The following VPS18 variants were observed in gnomAD, a reference collection of about 807,000 sequenced individuals.
VPS18 encodes the protein VPS18 core subunit of CORVET and HOPS complexes.
A neutral mutation model predicts 82.0 loss-of-function variants in VPS18; 25 were observed. That is an observed-to-expected ratio of 0.30 (90% CI 0.22 to 0.43). VPS18 has a LOEUF of 0.43. Ranked by LOEUF, VPS18 falls within the 20% of genes least tolerant of loss-of-function variation. VPS18 has a pLI of 1.00. For synonymous variants in VPS18, 523 were observed against 543.0 expected, an observed-to-expected ratio of 0.96 and a Z score of 0.51; for missense variants, 1,168 against 1,311.1, an observed-to-expected ratio of 0.89 and a Z score of 1.69.
In VPS18 at chr15:40,901,009, C is replaced by T. The variant is rs1892348404; in HGVS notation, c.2191C>T (p.Leu731=). The change falls in exon 4 of 5, where the codon CTG becomes TTG. Residue 731 remains leucine, a synonymous_variant. Transcript: ENST00000220509. ...ELYEEAVDLA[L]QVDVDLAKQC... Reference sequence around the variant, plus strand: ...GTATGAGGAGGCCGTGGACCTGGCCCTGCAGGTAAGCCAGTACGTCTTGAC... The same window carrying T: ...GTATGAGGAGGCCGTGGACCTGGCCTTGCAGGTAAGCCAGTACGTCTTGAC... 1 of 1,598,578 alleles carries T rather than the reference C, an allele frequency of 6.3e-7. No individual in the cohort carries two copies. Among genetic ancestry groups the T allele is most frequent in the Non-Finnish European group, 8.5e-7 (1 of 1,175,174 alleles).
chr15:40,902,558 A>G lies in VPS18; in HGVS notation c.2197-58A>G. 1.3e-6 allele frequency: 2 copies of G among 1,558,150 alleles called. No homozygotes were observed. The highest frequency in any genetic ancestry group is 1.7e-6 in the Non-Finnish European group (2 of 1,149,724). ...CTCTCCTCGGCCATCTCTCTCTCCC[A>G]TAGTCTCCATGTTGGGCAGGGAGGG... On this transcript the variant is annotated intron_variant, in intron 4 of 4. Coordinates refer to ENST00000220509, the MANE Select transcript of VPS18 (RefSeq NM_020857.3). The surrounding 1 kb of genome is among the most constrained non-coding windows in gnomAD (Gnocchi z 4.2).
chr15:40,903,150 G>A lies in VPS18; in HGVS notation c.2731G>A (p.Gly911Ser). Reference sequence around the variant, plus strand: ...GGGGGCTGCTCCACCCCCAGCCAAGGGCTCTGCCCGGGCCAAGGAGGCCGA... The same window carrying A: ...GGGGGCTGCTCCACCCCCAGCCAAGAGCTCTGCCCGGGCCAAGGAGGCCGA... ...KLGAAPPPAK[G>S]SARAKEAEGG... is the part of the protein sequence containing the mutation. Residue 911 changes from glycine (G) to serine (S), a missense_variant, in exon 5 of 5, where the codon GGC (glycine) becomes AGC (serine). Gly to Ser is a moderately conservative substitution (Grantham distance 56). Around this residue, in one of 3 missense-constraint regions of VPS18, gnomAD observed 296 missense variants for 354.0 expected, o/e 0.84. Coordinates refer to ENST00000220509, the MANE Select transcript of VPS18 (RefSeq NM_020857.3). The A allele has an allele frequency of 6.2e-7, 1 of 1,606,596 alleles. No homozygotes were observed. Among genetic ancestry groups the A allele is most frequent in the Non-Finnish European group, 8.5e-7 (1 of 1,176,356 alleles).
Position 40,900,464 on chromosome 15 carries a change from G to A in VPS18, c.1646G>A (p.Ser549Asn). Residue 549 changes from serine to asparagine, a missense_variant, in exon 4 of 5, where the codon AGT becomes AAT. Around this residue, in one of 3 missense-constraint regions of VPS18, gnomAD observed 868 missense variants for 939.8 expected, o/e 0.92. Coordinates refer to ENST00000220509, the MANE Select transcript of VPS18 (RefSeq NM_020857.3). The surrounding 1 kb of genome is among the most constrained non-coding windows in gnomAD (Gnocchi z 5.4). ...SRASIHELLA[S>N]HGDTEHMVYF... ...GCCTCTATCCATGAGCTGCTCGCCA[G>A]TCATGGGGACACAGAACACATGGTG... The A allele has an allele frequency of 6.2e-7, 1 of 1,614,112 alleles. No individual in the cohort carries two copies. The highest frequency in any genetic ancestry group is 8.5e-7 in the Non-Finnish European group (1 of 1,180,020).
rs757903252 is a variant in VPS18 at position 40,900,425 on chromosome 15, T to A, written c.1607T>A (p.Leu536His). ...AGCAGCCCCCGCCACAAAGAGTGGC[T>A]CTTTGCCAGCCGGGCCTCTATCCAT... is the stretch of plus-strand genomic sequence containing the variant. ...FLSSPRHKEW[L>H]FASRASIHEL... Residue 536 changes from leucine (L) to histidine (H), a missense_variant, in exon 4 of 5, where the codon CTC becomes CAC. By Grantham distance (99) the Leu-to-His change is moderately conservative (BLOSUM62 -3). This residue lies in a region of VPS18 where 868 missense variants were observed against 939.8 expected (regional missense o/e 0.92). Coordinates refer to ENST00000220509, the MANE Select transcript of VPS18 (RefSeq NM_020857.3). The surrounding 1 kb of genome is among the most constrained non-coding windows in gnomAD (Gnocchi z 5.4). 6.2e-7 allele frequency: 1 copy of A among 1,613,772 alleles called. No individual in the cohort carries two copies. Among genetic ancestry groups the A allele is most frequent in the Admixed American group, 1.7e-5 (1 of 60,000 alleles).
chr15:40,896,065 G>C lies in VPS18; in HGVS notation c.219G>C (p.Lys73Asn). ...SSNQLCMSLGKDTLLRIDLGK... is the reference protein window; with the variant it reads ...SSNQLCMSLGNDTLLRIDLGK... ...ATCAGCTGTGCATGAGCCTGGGCAA[G>C]GATACACTGCTCCGGTAATCAAGAG... The change falls in exon 2 of 5, where the codon AAG becomes AAC. Residue 73 changes from lysine (K) to asparagine (N), a missense_variant. Physicochemically the swap from Lys to Asn is moderately conservative, Grantham distance 94 (BLOSUM62 0). Coordinates refer to ENST00000220509, the MANE Select transcript of VPS18 (RefSeq NM_020857.3). 2 of 1,614,172 alleles carry C rather than the reference G, an allele frequency of 1.2e-6. No homozygotes were observed. Among genetic ancestry groups the C allele is most frequent in the East Asian group, 2.2e-5 (1 of 44,886 alleles).
chr15:40,899,529 G>A lies in VPS18; in HGVS notation c.711G>A (p.Glu237=). The change falls in exon 4 of 5, where the codon GAG becomes GAA. Residue 237 remains glutamate, a synonymous_variant. Transcript: ENST00000220509. This position sits in a 1 kb window ranked among gnomAD's most constrained non-coding sequence, Gnocchi z 4.4. ...TCCAGTTCATAGGCCGAGCAGCAGA[G>A]GGGGCTGAGGCCCAGGGTTTCTCAG... is the stretch of plus-strand genomic sequence containing the variant. The part of the protein sequence containing the change: ...RLFQFIGRAA[E]GAEAQGFSGL... 1 of 1,610,014 alleles carries A rather than the reference G, an allele frequency of 6.2e-7. No individual in the cohort carries two copies.
In VPS18 at chr15:40,899,285, G is replaced by A. The variant is rs1316772134; in HGVS notation, c.467G>A (p.Ser156Asn). 1 of 1,614,222 alleles carries A rather than the reference G, an allele frequency of 6.2e-7. No homozygotes were observed. The highest frequency in any genetic ancestry group is 1.1e-5 in the South Asian group (1 of 91,082). Residue 156 changes from serine to asparagine, a missense_variant, in exon 4 of 5, where the codon AGC becomes AAC. Physicochemically the swap from Ser to Asn is conservative, Grantham distance 46 (BLOSUM62 1). Coordinates refer to ENST00000220509, the MANE Select transcript of VPS18 (RefSeq NM_020857.3). The surrounding 1 kb of genome is among the most constrained non-coding windows in gnomAD (Gnocchi z 4.4). ...GWNKALGTES[S>N]TGPILVGTAQ... is the part of the protein sequence containing the mutation. The stretch of plus-strand genomic sequence containing the variant: ...AACAAGGCACTGGGCACGGAGAGCA[G>A]CACAGGCCCCATCCTGGTCGGGACT...
At position 40,899,847 on chromosome 15, in the gene VPS18, G is replaced by A. The variant is rs1463457423; in HGVS notation, c.1029G>A (p.Val343=). ...FHFLLLLADR[V]EAVCTLTGQV... ...TCCTGCTGCTACTGGCAGACCGGGT[G>A]GAGGCAGTGTGCACACTGACCGGGC... The change falls in exon 4 of 5, where the codon GTG becomes GTA. Residue 343 remains valine, a synonymous_variant. Transcript: ENST00000220509. This position sits in a 1 kb window ranked among gnomAD's most constrained non-coding sequence, Gnocchi z 4.4. 2.5e-6 allele frequency: 4 copies of A among 1,608,588 alleles called. No homozygotes were observed. The highest frequency in any genetic ancestry group is 2.5e-6 in the Non-Finnish European group (3 of 1,180,024).
chr15:40,900,331 G>A lies in VPS18; in HGVS notation c.1513G>A (p.Ala505Thr), dbSNP rs1366400164. 2 of 1,613,664 alleles carry A rather than the reference G, an allele frequency of 1.2e-6. No individual in the cohort carries two copies. The highest frequency in any genetic ancestry group is 1.7e-6 in the Non-Finnish European group (2 of 1,180,006). The change falls in exon 4 of 5, where the codon GCT (alanine) becomes ACT (threonine). Residue 505 changes from alanine to threonine, a missense_variant. This residue lies in a region of VPS18 where 868 missense variants were observed against 939.8 expected (regional missense o/e 0.92). Transcript: ENST00000220509. The surrounding 1 kb of genome is among the most constrained non-coding windows in gnomAD (Gnocchi z 5.4). The stretch of plus-strand genomic sequence containing the variant: ...AGAGCTCTACCTGAGCCGGCTTGGG[G>A]CTCTGCAGGGCGACCCAGAGGCCCT... ...LTELYLSRLG[A>T]LQGDPEALTL...
In VPS18 at chr15:40,899,541, C is replaced by T; in HGVS notation, c.723C>T (p.Ala241=). Residue 241 remains alanine (A), a synonymous_variant, in exon 4 of 5, where the codon GCC becomes GCT. Coordinates refer to ENST00000220509, the MANE Select transcript of VPS18 (RefSeq NM_020857.3). This position sits in a 1 kb window ranked among gnomAD's most constrained non-coding sequence, Gnocchi z 4.4. Reference sequence around the variant, plus strand: ...GCCGAGCAGCAGAGGGGGCTGAGGCCCAGGGTTTCTCAGGGCTCTTTGCAG... The same window carrying T: ...GCCGAGCAGCAGAGGGGGCTGAGGCTCAGGGTTTCTCAGGGCTCTTTGCAG... ...FIGRAAEGAE[A]QGFSGLFAAY... The T allele has an allele frequency of 1.2e-6, 2 of 1,609,354 alleles. No homozygotes were observed. The highest frequency in any genetic ancestry group is 1.7e-6 in the Non-Finnish European group (2 of 1,180,014).
Position 40,902,619 on chromosome 15 carries a change from G to A in VPS18, c.2200G>A (p.Asp734Asn), listed in dbSNP as rs149373237. The change falls in exon 5 of 5, where the codon GAT (aspartate) becomes AAT (asparagine). Residue 734 changes from aspartate to asparagine, a missense_variant. This residue lies in a region of VPS18 where 296 missense variants were observed against 354.0 expected (regional missense o/e 0.84). Transcript: ENST00000220509. This position sits in a 1 kb window ranked among gnomAD's most constrained non-coding sequence, Gnocchi z 4.2. ...EEAVDLALQV[D>N]VDLAKQCADL... ...AAAGCCCATGCTCTCCCCACAGGTG[G>A]ATGTGGACCTGGCCAAGCAGTGTGC... 189 of 1,609,082 alleles carry A rather than the reference G, an allele frequency of 1.2e-4. No individual in the cohort carries two copies. The highest frequency in any genetic ancestry group is 5.0e-4 in the Middle Eastern group (3 of 5,990).
In VPS18 at chr15:40,902,992, TC is replaced by T. The variant is rs1566871600; in HGVS notation, c.2578del (p.Leu860CysfsTer91). On this transcript the variant is annotated frameshift_variant, in exon 5 of 5. Coordinates refer to ENST00000220509, the MANE Select transcript of VPS18 (RefSeq NM_020857.3). LOFTEE classifies it high-confidence loss of function. This position sits in a 1 kb window ranked among gnomAD's most constrained non-coding sequence, Gnocchi z 4.2. ...EPQDKCATCD[F>X]PLLNRPFYLF... is the part of the protein sequence containing the mutation. ...CAGGACAAATGTGCCACCTGCGACT[TC>T]CCCCTGCTCAACCGCCCTTTTTACC... 1 of 1,614,212 alleles carries T rather than the reference TC, an allele frequency of 6.2e-7. No homozygotes were observed. Among genetic ancestry groups the T allele is most frequent in the Non-Finnish European group, 8.5e-7 (1 of 1,180,034 alleles).
At chr15:40,898,036 G>A (rs1002583437) in intron 2 of VPS18, among the ~76,000 whole-genome samples, 10 of 151,976 alleles carry the variant, frequency 6.6e-5, no homozygotes, top group Admixed American at 3.3e-4. Context: ...CCTCGATCTC[G>A]GCTTACTGCA....
rs546465282 is a variant in VPS18 at position 40,898,898 on chromosome 15, TC to T, written c.234-5del. The T allele has an allele frequency of 7.2e-4, 1,161 of 1,613,446 alleles. 6 individuals carry two copies. The highest frequency in any genetic ancestry group is 7.0e-5 in the Non-Finnish European group (83 of 1,179,664). Reference sequence around the variant, plus strand: ...TTCTCTAAAGTGATGGTGACGCTTGTCCCCACAGCATTGACTTGGGCAAGGC... The same window carrying T: ...TTCTCTAAAGTGATGGTGACGCTTGTCCCACAGCATTGACTTGGGCAAGGC... On this transcript the variant is annotated splice_region_variant and splice_polypyrimidine_tract_variant and intron_variant, in intron 2 of 4. Coordinates refer to ENST00000220509, the MANE Select transcript of VPS18 (RefSeq NM_020857.3).
Position 40,894,765 on chromosome 15 carries a change from CACCA to C in VPS18, c.-3_1del. 1 of 1,546,984 alleles carries C rather than the reference CACCA, an allele frequency of 6.5e-7. No homozygotes were observed. Among genetic ancestry groups the C allele is most frequent in the Non-Finnish European group, 8.7e-7 (1 of 1,144,774 alleles). ...CCGGACAAAGAGCCCAGAGGCCGGG[CACCA>C]TGGCGTCCATCCTGGATGAGTACGA... On this transcript the variant is annotated start_lost and 5_prime_UTR_variant, in exon 1 of 5. Transcript: ENST00000220509.
rs186543998 is a variant in VPS18 at position 40,900,202 on chromosome 15, G to C, written c.1384G>C (p.Glu462Gln). The C allele has an allele frequency of 1.9e-6, 3 of 1,613,792 alleles. No individual in the cohort carries two copies. Among genetic ancestry groups the C allele is most frequent in the African/African-American group, 1.3e-5 (1 of 75,032 alleles). ...TGAGGAGATTGCCCTCAAGTTCCTG[G>C]AGGCCCGACAGGAGGAGGCTCTGGC... ...YFEEIALKFLEARQEEALAEF... is the reference protein window; with the variant it reads ...YFEEIALKFLQARQEEALAEF... The change falls in exon 4 of 5, where the codon GAG becomes CAG. Residue 462 changes from glutamate (E) to glutamine (Q), a missense_variant. This residue lies in a region of VPS18 where 868 missense variants were observed against 939.8 expected (regional missense o/e 0.92). Transcript: ENST00000220509. This position sits in a 1 kb window ranked among gnomAD's most constrained non-coding sequence, Gnocchi z 5.4.
chr15:40,900,629 G>T lies in VPS18; in HGVS notation c.1811G>T (p.Arg604Leu). 1.2e-6 allele frequency: 2 copies of T among 1,614,026 alleles called. No individual in the cohort carries two copies. Among genetic ancestry groups the T allele is most frequent in the Non-Finnish European group, 1.7e-6 (2 of 1,180,036 alleles). The change falls in exon 4 of 5, where the codon CGT becomes CTT. Residue 604 changes from arginine to leucine, a missense_variant. Arg to Leu is a moderately radical substitution (Grantham distance 102, BLOSUM62 -2). Coordinates refer to ENST00000220509, the MANE Select transcript of VPS18 (RefSeq NM_020857.3). This position sits in a 1 kb window ranked among gnomAD's most constrained non-coding sequence, Gnocchi z 5.4. The part of the protein sequence containing the change: ...LFYKFSPILI[R>L]HIPRQLVDAW... ...TACAAGTTCTCACCCATCCTCATCC[G>T]TCACATCCCCCGCCAGCTTGTAGAT...
At chr15:40,897,988 A>T (rs1892257774) in intron 2 of VPS18, among the ~76,000 whole-genome samples, 1 of 151,874 alleles carries the variant, frequency 6.6e-6, no homozygotes, top group African/African-American at 2.4e-5. Flanking sequence ...TTTTTTTGAG[A>T]CAGAGTCTTG....
chr15:40,899,156 T>A lies in VPS18; in HGVS notation c.338T>A (p.Leu113Gln). 1 of 1,612,596 alleles carries A rather than the reference T, an allele frequency of 6.2e-7. No individual in the cohort carries two copies. The highest frequency in any genetic ancestry group is 1.3e-5 in the African/African-American group (1 of 75,014). Residue 113 changes from leucine to glutamine, a missense_variant, in exon 4 of 5, where the codon CTG becomes CAG. Around this residue, in one of 3 missense-constraint regions of VPS18, gnomAD observed 868 missense variants for 939.8 expected, o/e 0.92. Transcript: ENST00000220509. The surrounding 1 kb of genome is among the most constrained non-coding windows in gnomAD (Gnocchi z 4.4). ...CTCCCCACTCCAGGCTCTCACCTGC[T>A]GATTGCCCTGAGCAGCACGGAGGTC... ...MFLDHTGSHL[L>Q]IALSSTEVLY... is the part of the protein sequence containing the mutation.
Sources: gnomAD v4.1 joint callset for allele counts (sites outside exome capture counted in the v4.1 genomes callset) on GRCh38, gnomAD v4.1.1 for gene constraint, gnomAD v4.1.1 regional missense constraint, Gnocchi (gnomAD v3.1) non-coding constraint, MANE v1.5 for transcripts, NCBI Gene and HGNC (gene_info 2026-07-23, HGNC 2026-07-21) for gene names.